ELP1: variants seen among roughly 807,000 people sequenced by gnomAD.
ELP1 encodes the protein elongator complex protein 1.
ELP1 carries 131 observed loss-of-function variants against 183.2 expected under a neutral mutation model. The ratio of observed to expected loss-of-function variants is 0.72; its 90% CI spans 0.62 to 0.83. The LOEUF is 0.83. Ranked by LOEUF, ELP1 falls within the 40% of genes least tolerant of loss-of-function variation. ELP1 has a pLI of 0.00. For missense variants in ELP1, 1,550 were observed against 1,594.9 expected, an observed-to-expected ratio of 0.97 and a Z score of 0.48; for synonymous variants, 555 against 569.0, an observed-to-expected ratio of 0.98 and a Z score of 0.35.
chr9:108,877,882 C>A lies in ELP1; in HGVS notation c.3855+113G>T. ...TACACATAAATCTAAGATAATTTAACTATGGCATCTTATGTTTTAAGAACA... is the reference window on the plus strand; with the variant it reads ...TACACATAAATCTAAGATAATTTAAATATGGCATCTTATGTTTTAAGAACA... On this transcript the variant is annotated intron_variant, in intron 35 of 36. Coordinates refer to ENST00000374647, the MANE Select transcript of ELP1 (RefSeq NM_003640.5). 2.8e-6 allele frequency: 3 copies of A among 1,068,304 alleles called. No homozygotes were observed. The South Asian group carries it at 3.9e-5, about 14-fold the overall frequency. The allele number at this position is 1,068,304 out of a possible 1,614,324, so 66.2% of individuals were successfully genotyped here.
At chr9:108,870,641 C>A (rs550835747) in intron 36 of ELP1, among the ~76,000 whole-genome samples, 1 of 152,142 alleles carries the variant, frequency 6.6e-6, no homozygotes, top group Admixed American at 6.6e-5. Flanking sequence ...ACTAACTTTA[C>A]AGAAATACAC....
chr9:108,931,199 T>A lies in ELP1; in HGVS notation c.-53A>T. 1 of 1,527,402 alleles carries A rather than the reference T, an allele frequency of 6.5e-7. No homozygotes were observed. The highest frequency in any genetic ancestry group is 9.1e-7 in the Non-Finnish European group (1 of 1,101,314). 94.6% of individuals were successfully genotyped at this position (1,527,402 alleles called of 1,614,324 possible). On this transcript the variant is annotated splice_region_variant and 5_prime_UTR_variant, in exon 2 of 37. Transcript: ENST00000374647. Reference sequence around the variant, plus strand: ...CAACTATCCCTTGATGAATCATTAATCTCTAAGAGAAAAATAAATAGCTTA... The same window carrying A: ...CAACTATCCCTTGATGAATCATTAAACTCTAAGAGAAAAATAAATAGCTTA...
chr9:108,898,801 C>T (rs1828657179), intron 20 of ELP1, 52 bp from the exon 21 acceptor site: 1 of 1,225,612 alleles, frequency 8.2e-7, no homozygotes, highest in Non-Finnish European at 1.2e-6. Context: ...AACTGAGCTC[C>T]ATGGGCCCAG....
intron 29 of ELP1, among the ~76,000 whole-genome samples, chr9:108,882,730 G>A (rs1827980739): frequency 6.6e-6 from 1 of 151,958 alleles, no homozygotes; most frequent in African/African-American, 2.4e-5. Flanking sequence ...ATGTAGCTGG[G>A]ACTACAGGAA....
intron 27 of ELP1, among the ~76,000 whole-genome samples, chr9:108,892,166 C>T (rs1467185284): frequency 1.3e-5 from 2 of 152,186 alleles, no homozygotes; most frequent in African/African-American, 4.8e-5. Context: ...AAGGCGAGGG[C>T]AGGCTGCTCT....
At position 108,891,177 on chromosome 9, in the gene ELP1, G is replaced by A. The variant is rs745991980; in HGVS notation, c.3160+26C>T. On this transcript the variant is annotated intron_variant, in intron 28 of 36. Coordinates refer to ENST00000374647, the MANE Select transcript of ELP1 (RefSeq NM_003640.5). ...TAAATTTTTTAAAACCTTTGTAGAT[G>A]TAAACATATAAATGATTGTACTTAC... The A allele has an allele frequency of 1.2e-5, 19 of 1,607,236 alleles. 1 individual carries two copies. The South Asian group carries it at 2.0e-4, about 17-fold the overall frequency.
intron 29 of ELP1, 117 bp from the exon 30 acceptor site, chr9:108,882,304 T>G: frequency 2.6e-6 from 2 of 776,044 alleles, no homozygotes; most frequent in Non-Finnish European, 4.4e-6. Context: ...GGAGAACTCC[T>G]AGTTCTCAAC....
chr9:108,877,884 A>G, intron 35 of ELP1, 111 bp downstream of exon 35: 2 of 1,076,968 alleles, frequency 1.9e-6, no homozygotes, highest in Non-Finnish European at 2.9e-6. Flanking sequence ...TAATTTAACT[A>G]TGGCATCTTA....
intron 6 of ELP1, among the ~76,000 whole-genome samples, chr9:108,921,332 C>G (rs1390317660): frequency 6.6e-6 from 1 of 152,080 alleles, no homozygotes; most frequent in Non-Finnish European, 1.5e-5. Context: ...CCCTTCTGGG[C>G]ACTTCATACA....
chr9:108,899,748 T>C lies in ELP1; in HGVS notation c.2204+74A>G, dbSNP rs56170160. Reference sequence around the variant, plus strand: ...TTTTCATAATTTTAAGTTCTCGAAATTGTAATAAAATACTTATTGTCTTCA... The same window carrying C: ...TTTTCATAATTTTAAGTTCTCGAAACTGTAATAAAATACTTATTGTCTTCA... On this transcript the variant is annotated intron_variant, in intron 20 of 36. Transcript: ENST00000374647. The C allele has an allele frequency of 0.081, 97,975 of 1,207,970 alleles. 4,592 individuals carry two copies. The highest frequency in any genetic ancestry group is 0.17 in the East Asian group (7,084 of 42,728). 74.8% of individuals were successfully genotyped at this position (1,207,970 alleles called of 1,614,324 possible).
rs1587884793 is a variant in ELP1, at chr9:108,891,253, T to G, written c.3110A>C (p.Gln1037Pro). The change falls in exon 28 of 37, where the codon CAG becomes CCG. Residue 1037 changes from glutamine to proline, a missense_variant. Coordinates refer to ENST00000374647, the MANE Select transcript of ELP1 (RefSeq NM_003640.5). ...CAGCTGGTCTTTGGTAAAGTTAAGC[T>G]GGGCTGCCACACAGAGGGCTTGCTT... is the stretch of plus-strand genomic sequence containing the variant. ...NWKQALCVAAQLNFTKDQLVG... is the reference protein window; with the variant it reads ...NWKQALCVAAPLNFTKDQLVG... The G allele has an allele frequency of 2.5e-6, 4 of 1,614,248 alleles. No individual in the cohort carries two copies. The East Asian group carries it at 8.9e-5, about 36-fold the overall frequency.
intron 12 of ELP1, 78 bp downstream of exon 12, chr9:108,910,932 A>C: frequency 7.6e-7 from 1 of 1,314,858 alleles, no homozygotes; most frequent in Non-Finnish European, 1.1e-6. Context: ...CTATGGCAAC[A>C]CCAAACTATA....
In ELP1 at chr9:108,927,359, G is replaced by T; in HGVS notation, c.385+13C>A. 2 of 1,604,920 alleles carry T rather than the reference G, an allele frequency of 1.2e-6. No homozygotes were observed. The highest frequency in any genetic ancestry group is 1.7e-6 in the Non-Finnish European group (2 of 1,171,712). On this transcript the variant is annotated intron_variant, in intron 4 of 36. Coordinates refer to ENST00000374647, the MANE Select transcript of ELP1 (RefSeq NM_003640.5). The stretch of plus-strand genomic sequence containing the variant: ...TTTTAAAAAAGCCAGTGAGGCACCA[G>T]TAACAAGCTTACCTGTGGCAAGAAG...
At chr9:108,875,253 G>A (rs1480503170) in intron 35 of ELP1, among the ~76,000 whole-genome samples, 1 of 152,198 alleles carries the variant, frequency 6.6e-6, no homozygotes, top group Non-Finnish European at 1.5e-5. Flanking sequence ...TTTTCTAAAT[G>A]AGCAAACCAC....
At chr9:108,904,144 G>A (rs187410134) in intron 14 of ELP1, among the ~76,000 whole-genome samples, 14 of 152,108 alleles carry the variant, frequency 9.2e-5, no homozygotes, top group Admixed American at 1.3e-4. Context: ...CTATCATATC[G>A]ATTGATGGAA....
At chr9:108,886,547 C>T (rs1196971241) in intron 29 of ELP1, among the ~76,000 whole-genome samples, 1 of 152,164 alleles carries the variant, frequency 6.6e-6, no homozygotes, top group Non-Finnish European at 1.5e-5. Context: ...CCTAGTCCCC[C>T]ATATCACTCG....
In ELP1 at chr9:108,922,874, C is replaced by G. The variant is rs758924768; in HGVS notation, c.520G>C (p.Glu174Gln). ...GRKETQFHGS[E>Q]GRQAAFQMQM... is the part of the protein sequence containing the mutation. Reference sequence around the variant, plus strand: ...ATCTGAAAAGCTGCTTGTCTGCCTTCTGATCCATGGAACTGTGTCTCCTTC... The same window carrying G: ...ATCTGAAAAGCTGCTTGTCTGCCTTGTGATCCATGGAACTGTGTCTCCTTC... The change falls in exon 6 of 37, where the codon GAA becomes CAA. Residue 174 changes from glutamate (E) to glutamine (Q), a missense_variant. By Grantham distance (29) the Glu-to-Gln change is conservative (BLOSUM62 2). Transcript: ENST00000374647. 1.1e-5 allele frequency: 17 copies of G among 1,613,972 alleles called. No individual in the cohort carries two copies. The South Asian group carries it at 1.1e-4, about 10-fold the overall frequency.
intron 26 of ELP1, 46 bp downstream of exon 26, chr9:108,893,897 A>G: frequency 6.2e-7 from 1 of 1,608,842 alleles, no homozygotes; most frequent in Non-Finnish European, 8.5e-7. Flanking sequence ...GCCTAGTTCC[A>G]AAGAAGATCT....
At chr9:108,883,195 G>A (rs1827997794) in intron 29 of ELP1, among the ~76,000 whole-genome samples, 1 of 152,138 alleles carries the variant, frequency 6.6e-6, no homozygotes, top group African/African-American at 2.4e-5. Flanking sequence ...ACAGGGTCTT[G>A]TTCTGTTGTC....
Sources: gnomAD v4.1 joint callset for allele counts (sites outside exome capture counted in the v4.1 genomes callset) on GRCh38, gnomAD v4.1.1 for gene constraint, MANE v1.5 for transcripts, NCBI Gene and HGNC (gene_info 2026-07-23, HGNC 2026-07-21) for gene names.